Variants in MED10 observed in about 807,000 individuals in gnomAD.
The protein encoded by MED10 is mediator of RNA polymerase II transcription subunit 10.
In MED10, 9 loss-of-function variants were observed where a neutral mutation model predicts 17.2. The ratio of observed to expected loss-of-function variants is 0.52; its 90% CI spans 0.31 to 0.91. The LOEUF (loss-of-function observed/expected upper bound fraction) is 0.91, where lower values mean the gene tolerates loss of function less well. Ranked by LOEUF, MED10 falls within the 40% of genes least tolerant of loss-of-function variation. MED10 has a pLI of 0.04. For synonymous variants in MED10, 66 were observed against 59.8 expected (o/e 1.10, Z -0.48); for missense variants, 129 against 164.8 (o/e 0.78, Z 1.19).
intron 3 of MED10, among the ~76,000 whole-genome samples, chr5:6,373,404 G>GA (rs1346706014): frequency 7.2e-5 from 11 of 152,086 alleles, no homozygotes; most frequent in Admixed American, 2.0e-4. Context: ...AGAACAAACA[G>GA]AAAAAACAAA....
chr5:6,372,563 T>C lies in MED10; in HGVS notation c.348A>G (p.Val116=). 1.2e-6 allele frequency: 2 copies of C among 1,614,238 alleles called. No homozygotes were observed. Among genetic ancestry groups the C allele is most frequent in the Non-Finnish European group, 1.7e-6 (2 of 1,180,040 alleles). Residue 116 remains valine (V), a synonymous_variant, in exon 4 of 4, where the codon GTA becomes GTG. Coordinates refer to ENST00000255764, the MANE Select transcript of MED10 (RefSeq NM_032286.3). ...KSLLIQELSK[V]FPEDMAKYRS... Reference sequence around the variant, plus strand: ...GATACTTAGCCATGTCTTCCGGAAATACTTTAGAAAGTTCTTGAATCAACA... The same window carrying C: ...GATACTTAGCCATGTCTTCCGGAAACACTTTAGAAAGTTCTTGAATCAACA...
chr5:6,374,699 T>C (rs1737957533), intron 2 of MED10: 3 of 347,508 alleles, frequency 8.6e-6, no homozygotes, highest in Admixed American at 4.0e-5. Flanking sequence ...CATACCACTT[T>C]ACATGTGTTT....
Position 6,372,287 on chromosome 5 carries a change from G to C in MED10, c.*216C>G. 1.8e-6 allele frequency: 1 copy of C among 551,240 alleles called. No individual in the cohort carries two copies. Among genetic ancestry groups the C allele is most frequent in the Non-Finnish European group, 3.2e-6 (1 of 311,078 alleles). 34.1% of individuals were successfully genotyped at this position (551,240 alleles called of 1,614,324 possible). A position where few individuals can be genotyped will look rare whatever the true frequency, so the allele number is the denominator to read the frequency against. ...TGAGGGGTCAGCACTCTGAAAGCCAGTTGACGCCAGACAAGCTGCTGGAAC... is the reference window on the plus strand; with the variant it reads ...TGAGGGGTCAGCACTCTGAAAGCCACTTGACGCCAGACAAGCTGCTGGAAC... On this transcript the variant is annotated 3_prime_UTR_variant, in exon 4 of 4. Coordinates refer to ENST00000255764, the MANE Select transcript of MED10 (RefSeq NM_032286.3).
At position 6,372,356 on chromosome 5, in the gene MED10, T is replaced by A. The variant is rs980105212; in HGVS notation, c.*147A>T. ...CCTCTCCTCCAGCCCCTCGGTCCCA[T>A]GAGGCCAAACAATGAGGACAGAGGG... On this transcript the variant is annotated 3_prime_UTR_variant, in exon 4 of 4. Transcript: ENST00000255764. 1 of 646,106 alleles carries A rather than the reference T, an allele frequency of 1.5e-6. No homozygotes were observed. Among genetic ancestry groups the A allele is most frequent in the Non-Finnish European group, 2.7e-6 (1 of 366,120 alleles). The allele number at this position is 646,106 out of a possible 1,614,324, so 40.0% of individuals were successfully genotyped here.
chr5:6,377,509 G>A (rs1409560706), intron 1 of MED10, among the ~76,000 whole-genome samples: 2 of 152,198 alleles, frequency 1.3e-5, no homozygotes, highest in African/African-American at 4.8e-5. Flanking sequence ...GGAACCTGAT[G>A]AAAAATATGA....
At chr5:6,378,115 ATC>A (rs1579255012) in intron 1 of MED10, among the ~76,000 whole-genome samples, 1 of 152,222 alleles carries the variant, frequency 6.6e-6, no homozygotes. Context: ...AAAGTATATC[ATC>A]TGGCCATGAC....
intron 3 of MED10, among the ~76,000 whole-genome samples, chr5:6,373,674 G>C (rs576970284): frequency 7.9e-5 from 12 of 152,320 alleles, no homozygotes; most frequent in African/African-American, 2.9e-4. Context: ...GAGCTGGGAG[G>C]AGAGGAAGGC....
chr5:6,376,842 G>C (rs778101926), intron 2 of MED10: 1 of 176,174 alleles, frequency 5.7e-6, no homozygotes, highest in Admixed American at 6.3e-5. Context: ...TTTTGTGGCT[G>C]TTCTTTAGCC....
intron 3 of MED10, among the ~76,000 whole-genome samples, chr5:6,373,713 C>T (rs867855035): frequency 2.0e-5 from 3 of 152,150 alleles, no homozygotes; most frequent in Non-Finnish European, 2.9e-5. Context: ...CGGCAACAGT[C>T]GCATGGCGCC....
chr5:6,378,172 G>C (rs565450107), intron 1 of MED10, among the ~76,000 whole-genome samples, 190 bp downstream of exon 1: 1 of 152,402 alleles, frequency 6.6e-6, no homozygotes, highest in South Asian at 2.1e-4. Context: ...TTGGCAACAG[G>C]CTGGAGCGCG....
At position 6,372,459 on chromosome 5, in the gene MED10, G is replaced by T. The variant is rs112042492; in HGVS notation, c.*44C>A. On this transcript the variant is annotated 3_prime_UTR_variant, in exon 4 of 4. Coordinates refer to ENST00000255764, the MANE Select transcript of MED10 (RefSeq NM_032286.3). ...GCACTCGCAGTCCCAGCCTCACGCC[G>T]CATCGCAGTCCCAGGGGATCTTCAC... 1.9e-6 allele frequency: 3 copies of T among 1,541,792 alleles called. No homozygotes were observed. Among genetic ancestry groups the T allele is most frequent in the Non-Finnish European group, 2.7e-6 (3 of 1,114,726 alleles).
At chr5:6,378,123 A>G (rs1203949599) in intron 1 of MED10, among the ~76,000 whole-genome samples, 1 of 152,256 alleles carries the variant, frequency 6.6e-6, no homozygotes, top group African/African-American at 2.4e-5. Flanking sequence ...TCATCTGGCC[A>G]TGACGACGTC....
intron 2 of MED10, 183 bp downstream of exon 2, chr5:6,376,983 A>C: frequency 2.3e-6 from 1 of 428,926 alleles, no homozygotes; most frequent in Non-Finnish European, 4.1e-6. Flanking sequence ...TTAGAACGGA[A>C]GTTCCATAAG....
intron 1 of MED10, 106 bp downstream of exon 1, chr5:6,378,256 G>C (rs1261163655): frequency 2.1e-6 from 3 of 1,399,910 alleles, no homozygotes; most frequent in Non-Finnish European, 2.8e-6. Context: ...GGCGGGGCAC[G>C]AGTAGCGGTC....
intron 1 of MED10, 107 bp from the exon 2 acceptor site, chr5:6,377,356 C>T (rs1738018158): frequency 1.5e-6 from 1 of 685,880 alleles, no homozygotes; most frequent in Non-Finnish European, 2.5e-6. Flanking sequence ...GTTCGTTCTC[C>T]TCACAGCTAT....
At chr5:6,374,538 T>G in intron 2 of MED10, 112 bp from the exon 3 acceptor site, 1 of 743,764 alleles carries the variant, frequency 1.3e-6, no homozygotes, top group East Asian at 2.5e-5. Flanking sequence ...CACACGGCCT[T>G]GTTTAGACAA....
chr5:6,373,982 A>G (rs950200016), intron 3 of MED10, among the ~76,000 whole-genome samples: 2 of 152,228 alleles, frequency 1.3e-5, no homozygotes, highest in Admixed American at 6.5e-5. Context: ...AACCATGACT[A>G]CAGGGAAAGC....
At position 6,378,459 on chromosome 5, in the gene MED10, C is replaced by T. The variant is rs774992048; in HGVS notation, c.25G>A (p.Glu9Lys). 6.2e-7 allele frequency: 1 copy of T among 1,613,354 alleles called. No individual in the cohort carries two copies. Among genetic ancestry groups the T allele is most frequent in the Non-Finnish European group, 8.5e-7 (1 of 1,179,638 alleles). Residue 9 changes from glutamate (E) to lysine (K), a missense_variant, in exon 1 of 4, where the codon GAG (glutamate) becomes AAG (lysine). Transcript: ENST00000255764. ...TCCACGAACTTCTCCAGGTGCTCCT[C>T]TAGGTGGTCAAACTTCTCCGCCATC... MAEKFDHL[E>K]EHLEKFVENI... is the part of the protein sequence containing the mutation.
chr5:6,374,555 G>T (rs1225896935), intron 2 of MED10, 129 bp from the exon 3 acceptor site: 1 of 669,756 alleles, frequency 1.5e-6, no homozygotes, highest in African/African-American at 1.8e-5. Context: ...ACAAAACTCA[G>T]TGTAGGAACC....
Sources: gnomAD v4.1 joint callset for allele counts (sites outside exome capture counted in the v4.1 genomes callset) on GRCh38, gnomAD v4.1.1 for gene constraint, MANE v1.5 for transcripts, NCBI Gene and HGNC (gene_info 2026-07-23, HGNC 2026-07-21) for gene names.